Variants in RBFOX1 observed in about 807,000 individuals in gnomAD.
RBFOX1 encodes RNA binding protein fox-1 homolog 1.
A neutral mutation model predicts 57.7 loss-of-function variants in RBFOX1; 8 were observed. The ratio of observed to expected loss-of-function variants is 0.14; its 90% CI spans 0.08 to 0.25. The LOEUF is 0.25. RBFOX1 is among the 10% of genes least tolerant of loss of function. The pLI is 1.00. For synonymous variants in RBFOX1, 326 were observed against 222.4 expected (o/e 1.47, Z -4.15); for missense variants, 611 against 548.5 (o/e 1.11, Z -1.14).
intron 4 of RBFOX1, among the ~76,000 whole-genome samples, chr16:7,173,191 A>T (rs1455097101): frequency 1.3e-5 from 2 of 152,172 alleles, no homozygotes; most frequent in African/African-American, 4.8e-5. Flanking sequence ...TTTATTATTA[A>T]CGTAAAATTA....
chr16:5,338,262 C>G (rs988791625), intron 1 of RBFOX1, among the ~76,000 whole-genome samples: 13 of 152,214 alleles, frequency 8.5e-5, no homozygotes, highest in African/African-American at 3.1e-4. Context: ...TTGGCCATAG[C>G]TGATTGAGCC....
intron 3 of RBFOX1, among the ~76,000 whole-genome samples, chr16:5,756,403 G>C (rs757430706): frequency 6.6e-6 from 1 of 152,056 alleles, no homozygotes; most frequent in African/African-American, 2.4e-5. Flanking sequence ...GATGGATACC[G>C]TTTTTCTTCT....
At chr16:6,057,659 C>T (rs752939490) in intron 1 of RBFOX1, among the ~76,000 whole-genome samples, 1 of 151,922 alleles carries the variant, frequency 6.6e-6, no homozygotes, top group Non-Finnish European at 1.5e-5. Flanking sequence ...GTAATGACTT[C>T]GAGATTTTTG....
intron 4 of RBFOX1, among the ~76,000 whole-genome samples, chr16:7,230,886 G>A (rs1014932914): frequency 6.6e-6 from 1 of 152,076 alleles, no homozygotes; most frequent in African/African-American, 2.4e-5. Flanking sequence ...TCCTCATTTT[G>A]TAGAAATCAA....
chr16:7,120,717 C>T (rs1037573597), intron 4 of RBFOX1, among the ~76,000 whole-genome samples: 2 of 147,448 alleles, frequency 1.4e-5, no homozygotes, highest in Non-Finnish European at 3.0e-5. Flanking sequence ...AAACTATACA[C>T]AGTCTCTTAC....
intron 13 of RBFOX1, among the ~76,000 whole-genome samples, chr16:7,668,495 C>G (rs749949165): frequency 5.3e-5 from 8 of 152,116 alleles, no homozygotes; most frequent in South Asian, 2.1e-4. Context: ...AGCCTTCAAT[C>G]CTATTCAGGA....
intron 1 of RBFOX1, among the ~76,000 whole-genome samples, chr16:6,083,461 C>G (rs762864256): frequency 2.0e-5 from 3 of 152,000 alleles, no homozygotes; most frequent in Non-Finnish European, 4.4e-5. Context: ...TTCATGCTCT[C>G]TTTGGTCCAT....
chr16:6,570,806 C>G (rs1440564371), intron 2 of RBFOX1, among the ~76,000 whole-genome samples: 9 of 152,072 alleles, frequency 5.9e-5, no homozygotes, highest in Non-Finnish European at 8.8e-5. Context: ...ATTATTATAA[C>G]TATTTTACTT....
chr16:5,849,757 T>C (rs913785106), intron 3 of RBFOX1, among the ~76,000 whole-genome samples: 3 of 152,144 alleles, frequency 2.0e-5, no homozygotes, highest in African/African-American at 7.2e-5. Flanking sequence ...GCAGCTCCTG[T>C]ATGATCTTGA....
intron 2 of RBFOX1, among the ~76,000 whole-genome samples, chr16:6,389,066 A>G (rs1008428315): frequency 6.6e-6 from 1 of 152,056 alleles, no homozygotes; most frequent in African/African-American, 2.4e-5. Context: ...TAGTCTTTTC[A>G]CCCAGCTTGG....
chr16:6,036,287 GTA>G (rs1467164380), intron 1 of RBFOX1, among the ~76,000 whole-genome samples: 1 of 152,208 alleles, frequency 6.6e-6, no homozygotes, highest in Non-Finnish European at 1.5e-5. Flanking sequence ...AACTTCTGAT[GTA>G]TAAAGGCATG....
chr16:5,668,958 C>T (rs2049934316), intron 3 of RBFOX1, among the ~76,000 whole-genome samples: 1 of 152,082 alleles, frequency 6.6e-6, no homozygotes, highest in Non-Finnish European at 1.5e-5. Context: ...AGCAGGATGC[C>T]TATGTAGTAG....
At chr16:6,216,098 G>A (rs113599296) in intron 1 of RBFOX1, among the ~76,000 whole-genome samples, 10,634 of 152,170 alleles carry the variant, frequency 0.07, 365 homozygotes, top group Middle Eastern at 0.11. Context: ...ATGGGCACAT[G>A]GAGGGGAATA....
intron 3 of RBFOX1, among the ~76,000 whole-genome samples, chr16:5,803,357 A>G (rs958975342): frequency 2.0e-5 from 3 of 152,206 alleles, no homozygotes; most frequent in Non-Finnish European, 4.4e-5. Context: ...GAAGAGTGGT[A>G]GAGAGATAAC....
At position 5,475,193 on chromosome 16, in the gene RBFOX1, A is replaced by T. The variant is rs2069278864; in HGVS notation, c.258+7939A>T. 2.6e-5 allele frequency among the ~76,000 whole-genome samples: 4 copies of T among 152,314 alleles called. No individual in the cohort carries two copies. In the South Asian group the frequency reaches 8.3e-4, roughly 32 times the overall value. On this transcript the variant is annotated intron_variant, in intron 2 of 2. Transcript: ENST00000585867. ...AGATATGTTTGATCTTCTGTCATTT[A>T]AAAAATTATTTATTACAAAGACTTT...
intron 2 of RBFOX1, among the ~76,000 whole-genome samples, chr16:5,494,301 A>G (rs930482714): frequency 2.0e-5 from 3 of 152,222 alleles, no homozygotes; most frequent in Non-Finnish European, 2.9e-5. Flanking sequence ...TCTGCAGCGT[A>G]TGTGACCTTG....
At chr16:7,591,904 G>T (rs1374721767) in intron 7 of RBFOX1, among the ~76,000 whole-genome samples, 1 of 152,256 alleles carries the variant, frequency 6.6e-6, no homozygotes, top group East Asian at 1.9e-4. Flanking sequence ...CTTAGCACCC[G>T]CTCTCAAGGT....
chr16:6,723,591 G>T (rs2066481645), intron 3 of RBFOX1, among the ~76,000 whole-genome samples: 1 of 152,134 alleles, frequency 6.6e-6, no homozygotes, highest in East Asian at 1.9e-4. Context: ...GGCAGTAGGG[G>T]ATATCTTGAG....
chr16:5,908,603 T>C (rs902547341), intron 4 of RBFOX1, among the ~76,000 whole-genome samples: 1 of 152,088 alleles, frequency 6.6e-6, no homozygotes, highest in Non-Finnish European at 1.5e-5. Flanking sequence ...TCCACCCACC[T>C]TGGCCTCCCA....
Sources: allele counts gnomAD v4.1 joint callset (sites outside exome capture counted in the v4.1 genomes callset), GRCh38; gene constraint gnomAD v4.1.1; transcripts MANE v1.5; gene names NCBI Gene and HGNC (gene_info 2026-07-23, HGNC 2026-07-21).